The following CSNK1G2 variants were observed in gnomAD, a reference collection of about 807,000 sequenced individuals.
CSNK1G2 encodes casein kinase 1 gamma 2, also known as casein kinase I isoform gamma-2.
CSNK1G2 carries 11 observed loss-of-function variants against 48.0 expected under a neutral mutation model. That is an observed-to-expected ratio of 0.23 (90% confidence interval 0.14 to 0.38). The LOEUF (loss-of-function observed/expected upper bound fraction) is 0.38, where lower values mean the gene tolerates loss of function less well. Ranked by LOEUF, CSNK1G2 falls within the 10% of genes least tolerant of loss-of-function variation. CSNK1G2 has a pLI of 1.00. For synonymous variants in CSNK1G2, 337 were observed against 254.1 expected (o/e 1.33, Z -3.10); for missense variants, 446 against 595.5 (o/e 0.75, Z 2.61).
At chr19:1,950,011 C>T (rs1044517095) in intron 1 of CSNK1G2, among the ~76,000 whole-genome samples, 16 of 152,244 alleles carry the variant, frequency 1.1e-4, no homozygotes, top group Admixed American at 3.3e-4. Context: ...AGTTCAGAGG[C>T]CGGAGGCATC....
chr19:1,979,690 G>A, intron 9 of CSNK1G2, 47 bp downstream of exon 9: 1 of 1,601,848 alleles, frequency 6.2e-7, no homozygotes, highest in African/African-American at 1.3e-5. Flanking sequence ...CCGGGAAACT[G>A]CCCTGAGGGA....
At position 1,980,274 on chromosome 19, in the gene CSNK1G2, C is replaced by G. The variant is rs768545852; in HGVS notation, c.*71C>G. 2 of 1,571,960 alleles carry G rather than the reference C, an allele frequency of 1.3e-6. No homozygotes were observed. The highest frequency in any genetic ancestry group is 1.7e-6 in the Non-Finnish European group (2 of 1,145,688). ...GGGGCGCGACCTTGTGCGAGGCCCT[C>G]GGGGCCCACCCACAGCGGCCCAGGG... is the stretch of plus-strand genomic sequence containing the variant. On this transcript the variant is annotated 3_prime_UTR_variant, in exon 12 of 12. Transcript: ENST00000255641.
intron 1 of CSNK1G2, among the ~76,000 whole-genome samples, chr19:1,961,691 C>G (rs2015205052): frequency 6.6e-6 from 1 of 150,824 alleles, no homozygotes; most frequent in Non-Finnish European, 1.5e-5. Flanking sequence ...TCACAGATCC[C>G]TCTCCCAGGG....
At chr19:1,975,581 C>T (rs1237511573) in intron 2 of CSNK1G2, 1 of 985,334 alleles carries the variant, frequency 1.0e-6, no homozygotes, top group Non-Finnish European at 1.2e-6. Context: ...GCAGGGGCAG[C>T]CTTTTGGGCG....
At chr19:1,943,948 G>A (rs1310434688) in intron 1 of CSNK1G2, among the ~76,000 whole-genome samples, 1 of 152,186 alleles carries the variant, frequency 6.6e-6, no homozygotes, top group Non-Finnish European at 1.5e-5. Flanking sequence ...GGCACAGCCT[G>A]GCAGGGGCTG....
intron 2 of CSNK1G2, among the ~76,000 whole-genome samples, chr19:1,972,095 C>T (rs550681465): frequency 1.1e-4 from 16 of 152,280 alleles, no homozygotes; most frequent in South Asian, 4.2e-4. Flanking sequence ...TACTGAGTTG[C>T]GGTTTGCGCT....
chr19:1,971,573 A>G (rs1322991942), intron 2 of CSNK1G2, among the ~76,000 whole-genome samples: 2 of 152,220 alleles, frequency 1.3e-5, no homozygotes, highest in Non-Finnish European at 2.9e-5. Flanking sequence ...GCACACAGCC[A>G]CAACCACGCA....
At position 1,980,149 on chromosome 19, in the gene CSNK1G2, A is replaced by G. The variant is rs1342766337; in HGVS notation, c.1194A>G (p.Lys398=). ...PAEVEVADET[K]CCCFFKRRKR... ...CTACCTGAGCCACTGCCCTCCTCAG[A>G]TGCTGCTGTTTCTTCAAGAGGAGAA... Residue 398 remains lysine (K), a splice_region_variant and synonymous_variant, in exon 12 of 12, where the codon AAA becomes AAG. Coordinates refer to ENST00000255641, the MANE Select transcript of CSNK1G2 (RefSeq NM_001319.7). 1 of 1,612,930 alleles carries G rather than the reference A, an allele frequency of 6.2e-7. No individual in the cohort carries two copies. The highest frequency in any genetic ancestry group is 8.5e-7 in the Non-Finnish European group (1 of 1,179,866).
Position 1,975,556 on chromosome 19 carries a change from G to A in CSNK1G2, c.188-2749G>A, listed in dbSNP as rs184420596. 144 of 985,460 alleles carry A rather than the reference G, an allele frequency of 1.5e-4. No homozygotes were observed. The African/African-American group carries it at 2.0e-3, about 13-fold the overall frequency. The allele number at this position is 985,460 out of a possible 1,614,324, so 61.0% of individuals were successfully genotyped here. A position where few individuals can be genotyped will look rare whatever the true frequency, so the allele number is the denominator to read the frequency against. On this transcript the variant is annotated intron_variant, in intron 2 of 11. Coordinates refer to ENST00000255641, the MANE Select transcript of CSNK1G2 (RefSeq NM_001319.7). ...CAGGCGGGCACACGCAGCACGACAC[G>A]GCGAGGAGCCCACCGCAGGGGCAGC...
chr19:1,974,488 G>A (rs113765495), intron 2 of CSNK1G2, among the ~76,000 whole-genome samples: 2 of 152,078 alleles, frequency 1.3e-5, no homozygotes, highest in South Asian at 4.1e-4. Context: ...ATGACCCTTG[G>A]GGGGTGCATC....
intron 1 of CSNK1G2, chr19:1,953,277 G>A (rs1381046039): frequency 4.5e-6 from 2 of 449,320 alleles, no homozygotes; most frequent in South Asian, 1.6e-5. Context: ...GACCAGGTCA[G>A]CTCTGCCCCC....
intron 1 of CSNK1G2, among the ~76,000 whole-genome samples, chr19:1,951,234 A>G (rs914956913): frequency 6.9e-6 from 1 of 144,338 alleles, no homozygotes; most frequent in Non-Finnish European, 1.5e-5. Flanking sequence ...CCCTGTCTCT[A>G]CTAAAAAAAA....
intron 1 of CSNK1G2, among the ~76,000 whole-genome samples, chr19:1,947,799 C>G (rs2014616512): frequency 6.6e-6 from 1 of 152,224 alleles, no homozygotes; most frequent in Non-Finnish European, 1.5e-5. Context: ...CTGGTCAGGC[C>G]TGTACGCCGT....
At chr19:1,966,495 G>C (rs12985953) in intron 1 of CSNK1G2, among the ~76,000 whole-genome samples, 32,632 of 152,076 alleles carry the variant, frequency 0.21, 5,862 homozygotes, top group African/African-American at 0.49. Context: ...CTTCAGTTGC[G>C]CTCTAGTCCC....
chr19:1,944,565 G>C (rs934293862), intron 1 of CSNK1G2, among the ~76,000 whole-genome samples: 6 of 152,072 alleles, frequency 3.9e-5, no homozygotes, highest in Non-Finnish European at 8.8e-5. Context: ...CTGCGGCCAG[G>C]GGACGGGCCT....
intron 1 of CSNK1G2, among the ~76,000 whole-genome samples, chr19:1,962,967 T>C (rs976341610): frequency 6.6e-6 from 1 of 151,934 alleles, no homozygotes; most frequent in Non-Finnish European, 1.5e-5. Flanking sequence ...TGGCCCTCCA[T>C]GCACTGGAAC....
Position 1,979,333 on chromosome 19 carries a change from G to A in CSNK1G2, c.783G>A (p.Lys261=). ...GACCCCCGCAGGCCGACACGCTCAAGGAGCGGTACCAGAAGATCGGGGACA... is the reference window on the plus strand; with the variant it reads ...GACCCCCGCAGGCCGACACGCTCAAAGAGCGGTACCAGAAGATCGGGGACA... ...PWQGLKADTL[K]ERYQKIGDTK... is the part of the protein sequence containing the mutation. Residue 261 remains lysine, a synonymous_variant, in exon 8 of 12, where the codon AAG becomes AAA. Transcript: ENST00000255641. The A allele has an allele frequency of 1.2e-6, 2 of 1,603,912 alleles. No homozygotes were observed. The highest frequency in any genetic ancestry group is 1.7e-6 in the Non-Finnish European group (2 of 1,176,448).
chr19:1,950,195 G>A (rs1180620143), intron 1 of CSNK1G2, among the ~76,000 whole-genome samples: 1 of 152,032 alleles, frequency 6.6e-6, no homozygotes, highest in Non-Finnish European at 1.5e-5. Context: ...GCTGGAGTGT[G>A]GTGGCGTGAG....
intron 2 of CSNK1G2, among the ~76,000 whole-genome samples, chr19:1,971,369 C>A (rs1476677089): frequency 6.6e-6 from 1 of 152,252 alleles, no homozygotes; most frequent in Non-Finnish European, 1.5e-5. Flanking sequence ...AGCCTCACTG[C>A]CGGTCCGACG....
Sources: gnomAD v4.1 joint callset for allele counts (sites outside exome capture counted in the v4.1 genomes callset) on GRCh38, gnomAD v4.1.1 for gene constraint, MANE v1.5 for transcripts, NCBI Gene and HGNC (gene_info 2026-07-23, HGNC 2026-07-21) for gene names.